Variants in NAALADL2 observed in about 807,000 individuals in gnomAD.
The protein encoded by NAALADL2 is N-acetylated alpha-linked acidic dipeptidase like 2.
NAALADL2 carries 76 observed loss-of-function variants against 87.2 expected under a neutral mutation model. That is an observed-to-expected ratio of 0.87 (90% CI 0.72 to 1.05). NAALADL2 has a LOEUF of 1.05. NAALADL2 is among the 50% of genes least tolerant of loss of function. The pLI, the probability that NAALADL2 is intolerant of heterozygous loss-of-function variation, is 0.00. For synonymous variants in NAALADL2, 354 were observed against 331.0 expected (o/e 1.07, Z -0.75); for missense variants, 1,089 against 945.8 (o/e 1.15, Z -1.99).
At chr3:174,727,279 C>G (rs1012832340) in intron 2 of NAALADL2, among the ~76,000 whole-genome samples, 13 of 146,612 alleles carry the variant, frequency 8.9e-5, no homozygotes, top group African/African-American at 3.0e-4. Context: ...ATTCCACTTT[C>G]TAAAAAAAAA....
intron 1 of NAALADL2, among the ~76,000 whole-genome samples, chr3:174,992,723 T>C (rs1380412018): frequency 6.6e-6 from 1 of 152,154 alleles, no homozygotes; most frequent in Non-Finnish European, 1.5e-5. Context: ...AAATTTATGA[T>C]AATTTGCTAT....
At chr3:175,373,397 T>G (rs772885234) in intron 5 of NAALADL2, among the ~76,000 whole-genome samples, 7 of 152,240 alleles carry the variant, frequency 4.6e-5, no homozygotes, top group Non-Finnish European at 8.8e-5. Context: ...CTAGAACTTC[T>G]TATCTATGGA....
intron 1 of NAALADL2, among the ~76,000 whole-genome samples, chr3:174,478,045 T>C (rs140721024): frequency 7.4e-4 from 113 of 152,284 alleles, no homozygotes; most frequent in African/African-American, 2.6e-3. Context: ...TACTCAGTTG[T>C]TGGTTTTTTA....
chr3:174,908,500 T>A (rs1359462291), intron 1 of NAALADL2, among the ~76,000 whole-genome samples: 1 of 152,108 alleles, frequency 6.6e-6, no homozygotes, highest in Non-Finnish European at 1.5e-5. Flanking sequence ...CTTTTTTCAC[T>A]AAGCCTTGAA....
intron 5 of NAALADL2, among the ~76,000 whole-genome samples, chr3:175,382,171 T>C (rs1473317405): frequency 6.6e-6 from 1 of 152,064 alleles, no homozygotes; most frequent in Non-Finnish European, 1.5e-5. Context: ...GCACTGAAAA[T>C]GGTTCAAGGA....
chr3:175,049,980 C>T (rs1285596029), intron 1 of NAALADL2, among the ~76,000 whole-genome samples: 1 of 142,244 alleles, frequency 7.0e-6, no homozygotes, highest in Non-Finnish European at 1.5e-5. Context: ...GGAGTCTGCA[C>T]ATTTTTTTTC....
chr3:175,463,548 A>G, intron 7 of NAALADL2, 55 bp downstream of exon 7: 1 of 928,470 alleles, frequency 1.1e-6, no homozygotes, highest in Non-Finnish European at 1.6e-6. Flanking sequence ...ATACAAGGAA[A>G]TGCTCTGTAA....
intron 3 of NAALADL2, among the ~76,000 whole-genome samples, chr3:174,769,237 G>A (rs1327718921): frequency 6.6e-6 from 1 of 151,862 alleles, no homozygotes; most frequent in Non-Finnish European, 1.5e-5. Context: ...TTTTAAACTT[G>A]TAGTTATATT....
chr3:174,904,662 A>G (rs1157737152), intron 1 of NAALADL2, among the ~76,000 whole-genome samples: 3 of 151,850 alleles, frequency 2.0e-5, no homozygotes, highest in Non-Finnish European at 2.9e-5. Flanking sequence ...ACCAGAAAAC[A>G]TAAGTTTCAT....
intron 1 of NAALADL2, among the ~76,000 whole-genome samples, chr3:174,903,450 G>C (rs1732544081): frequency 6.6e-6 from 1 of 151,930 alleles, no homozygotes; most frequent in Non-Finnish European, 1.5e-5. Context: ...CCTGGAAATG[G>C]GTGATAGGTT....
At chr3:175,400,890 G>T (rs190293727) in intron 5 of NAALADL2, among the ~76,000 whole-genome samples, 229 of 152,234 alleles carry the variant, frequency 1.5e-3, no homozygotes, top group Non-Finnish European at 1.0e-3. Context: ...GTTGGTATTT[G>T]AATTAGCACG....
intron 3 of NAALADL2, among the ~76,000 whole-genome samples, chr3:174,812,275 C>T (rs906548980): frequency 1.4e-4 from 22 of 152,026 alleles, no homozygotes; most frequent in African/African-American, 5.1e-4. Context: ...TGAGGGACCA[C>T]GTATATGAGA....
chr3:175,212,968 T>C (rs777558662), intron 2 of NAALADL2, among the ~76,000 whole-genome samples: 2 of 152,124 alleles, frequency 1.3e-5, no homozygotes, highest in Non-Finnish European at 2.9e-5. Context: ...GTAGTGGTGG[T>C]AGCAGTGCAT....
chr3:175,475,299 C>G (rs866339889), intron 9 of NAALADL2, among the ~76,000 whole-genome samples: 14 of 151,924 alleles, frequency 9.2e-5, no homozygotes, highest in Non-Finnish European at 1.6e-4. Flanking sequence ...AACACAAATG[C>G]CTTCATGCAA....
At chr3:175,595,881 A>G (rs1722181897) in intron 10 of NAALADL2, among the ~76,000 whole-genome samples, 1 of 151,960 alleles carries the variant, frequency 6.6e-6, no homozygotes. Flanking sequence ...AGAAAATTAG[A>G]AAAAACTATG....
At chr3:175,762,677 A>G (rs1204177005) in intron 13 of NAALADL2, among the ~76,000 whole-genome samples, 1 of 152,190 alleles carries the variant, frequency 6.6e-6, no homozygotes, top group Non-Finnish European at 1.5e-5. Context: ...TTAATTTTCA[A>G]TATATTGTCC....
intron 5 of NAALADL2, among the ~76,000 whole-genome samples, chr3:175,373,718 A>G (rs1300326770): frequency 5.9e-5 from 9 of 152,200 alleles, no homozygotes; most frequent in Non-Finnish European, 8.8e-5. Flanking sequence ...AGTGTATTTT[A>G]ACTTTATAAG....
Position 175,555,003 on chromosome 3 carries a change from C to A in NAALADL2, c.1654-21038C>A, listed in dbSNP as rs542095922. ...GACTTTTATAGATTTTTCTCAGAGT[C>A]TCAGGGATAGGATAATTTGGCATAA... On this transcript the variant is annotated intron_variant, in intron 9 of 13. Transcript: ENST00000454872. Among the ~76,000 whole-genome samples, 6 of 152,254 alleles carry A rather than the reference C, an allele frequency of 3.9e-5. No individual in the cohort carries two copies. In the South Asian group the frequency reaches 1.0e-3, roughly 26 times the overall value.
chr3:174,890,953 T>G (rs564549469), intron 1 of NAALADL2, among the ~76,000 whole-genome samples: 3 of 152,062 alleles, frequency 2.0e-5, no homozygotes, highest in Non-Finnish European at 4.4e-5. Flanking sequence ...AATATATGAA[T>G]AAGAAAATTA....
Sources: gnomAD v4.1 joint callset for allele counts (sites outside exome capture counted in the v4.1 genomes callset) on GRCh38, gnomAD v4.1.1 for gene constraint, MANE v1.5 for transcripts, NCBI Gene and HGNC (gene_info 2026-07-23, HGNC 2026-07-21) for gene names.